NECAB1: variants seen among roughly 807,000 people sequenced by gnomAD.
NECAB1 encodes N-terminal EF-hand calcium binding protein 1.
Under a neutral mutation model 57.5 loss-of-function variants are expected in NECAB1, and 29 were observed. The ratio of observed to expected loss-of-function variants is 0.50; its 90% CI spans 0.38 to 0.69. The LOEUF is 0.69. NECAB1 is among the 30% of genes least tolerant of loss of function. The pLI is 0.00. For missense variants in NECAB1, 372 were observed against 413.8 expected (o/e 0.90, Z 0.88); for synonymous variants, 142 against 147.7 (o/e 0.96, Z 0.28).
rs1171272042 is a variant in NECAB1, at chr8:90,959,254, G to GTTC, written c.*3747_*3749dup. 1 of 265,192 alleles carries GTTC rather than the reference G, an allele frequency of 3.8e-6. No individual in the cohort carries two copies. Among genetic ancestry groups the GTTC allele is most frequent in the Admixed American group, 5.5e-5 (1 of 18,280 alleles). 16.4% of individuals were successfully genotyped at this position (265,192 alleles called of 1,614,324 possible). ...ATATATTAAATTGTATTCCAAACCT[G>GTTC]TTCTTCTGTTTCTGTGGCACCTAGG... On this transcript the variant is annotated 3_prime_UTR_variant, in exon 13 of 13. Coordinates refer to ENST00000417640, the MANE Select transcript of NECAB1 (RefSeq NM_022351.5).
chr8:90,825,751 A>G (rs1054666749), intron 3 of NECAB1, among the ~76,000 whole-genome samples: 6 of 151,928 alleles, frequency 3.9e-5, no homozygotes, highest in Admixed American at 2.6e-4. Context: ...AATATTTTTT[A>G]AACAACCAAT....
At chr8:90,941,107 T>G (rs1464190664) in intron 10 of NECAB1, among the ~76,000 whole-genome samples, 2 of 152,250 alleles carry the variant, frequency 1.3e-5, no homozygotes, top group Non-Finnish European at 2.9e-5. Context: ...TGTCGTCTAA[T>G]CTTTAAACCC....
At chr8:90,799,538 A>G (rs563487346) in intron 1 of NECAB1, among the ~76,000 whole-genome samples, 1 of 152,302 alleles carries the variant, frequency 6.6e-6, no homozygotes, top group South Asian at 2.1e-4. Context: ...CCTACTAGCT[A>G]TCCCAGCACC....
At chr8:90,863,542 G>A (rs1179567467) in intron 3 of NECAB1, among the ~76,000 whole-genome samples, 1 of 152,006 alleles carries the variant, frequency 6.6e-6, no homozygotes, top group Non-Finnish European at 1.5e-5. Context: ...ATGTGCATGA[G>A]TTTTCTGAAA....
intron 3 of NECAB1, among the ~76,000 whole-genome samples, chr8:90,839,586 C>G (rs1427610360): frequency 6.6e-6 from 1 of 152,040 alleles, no homozygotes; most frequent in African/African-American, 2.4e-5. Flanking sequence ...CTTAGAGAAG[C>G]CATACAGTTT....
At chr8:90,937,503 G>A (rs529787744) in intron 9 of NECAB1, among the ~76,000 whole-genome samples, 2 of 152,000 alleles carry the variant, frequency 1.3e-5, no homozygotes, top group East Asian at 1.9e-4. Flanking sequence ...TTACTACATC[G>A]AATGATTCTA....
chr8:90,798,156 T>A (rs1811693507), intron 1 of NECAB1, among the ~76,000 whole-genome samples: 1 of 152,198 alleles, frequency 6.6e-6, no homozygotes, highest in Non-Finnish European at 1.5e-5. Context: ...TTTGATCATG[T>A]GGTCTCTATC....
intron 5 of NECAB1, among the ~76,000 whole-genome samples, chr8:90,888,061 A>C (rs937781533): frequency 1.3e-5 from 2 of 152,080 alleles, no homozygotes; most frequent in African/African-American, 4.8e-5. Context: ...CTTCCTCCCC[A>C]TCCCAACCAG....
At chr8:90,867,913 C>T (rs748111787) in intron 3 of NECAB1, among the ~76,000 whole-genome samples, 2 of 152,104 alleles carry the variant, frequency 1.3e-5, no homozygotes, top group Non-Finnish European at 2.9e-5. Flanking sequence ...GCTCTATGTC[C>T]CCACTCAAAT....
intron 5 of NECAB1, among the ~76,000 whole-genome samples, chr8:90,890,705 A>G (rs1339714644): frequency 1.3e-5 from 2 of 152,178 alleles, no homozygotes; most frequent in Non-Finnish European, 2.9e-5. Flanking sequence ...TCAGCTTTCA[A>G]ACAAAGAGGG....
chr8:90,935,543 T>A (rs549666409), intron 9 of NECAB1, among the ~76,000 whole-genome samples: 27 of 152,270 alleles, frequency 1.8e-4, no homozygotes, highest in Non-Finnish European at 3.7e-4. Flanking sequence ...AGCGGATTTG[T>A]GCAGTCCCGG....
intron 7 of NECAB1, among the ~76,000 whole-genome samples, chr8:90,927,124 G>A (rs1310871067): frequency 6.7e-6 from 1 of 150,316 alleles, no homozygotes; most frequent in African/African-American, 2.5e-5. Flanking sequence ...TAGAAATATT[G>A]TATTAGAATT....
At chr8:90,892,324 T>A (rs1441510957) in intron 5 of NECAB1, among the ~76,000 whole-genome samples, 1 of 152,178 alleles carries the variant, frequency 6.6e-6, no homozygotes, top group Non-Finnish European at 1.5e-5. Context: ...TTCAGTCAAA[T>A]ATGAGCATTA....
At chr8:90,886,437 T>C (rs1361050565) in intron 5 of NECAB1, among the ~76,000 whole-genome samples, 1 of 152,174 alleles carries the variant, frequency 6.6e-6, no homozygotes, top group African/African-American at 2.4e-5. Flanking sequence ...TTTCTAGTAT[T>C]AAGTATTATT....
At chr8:90,922,467 A>G (rs1451856359) in intron 6 of NECAB1, among the ~76,000 whole-genome samples, 2 of 121,074 alleles carry the variant, frequency 1.7e-5, no homozygotes, top group African/African-American at 5.8e-5. Flanking sequence ...CCTGACCACC[A>G]AAGCTGCCAA....
intron 5 of NECAB1, among the ~76,000 whole-genome samples, chr8:90,913,466 G>A (rs185632772): frequency 1.3e-4 from 20 of 151,040 alleles, no homozygotes; most frequent in Admixed American, 3.3e-4. Flanking sequence ...ATTAAACTGC[G>A]TTTGAAAAAA....
intron 2 of NECAB1, among the ~76,000 whole-genome samples, chr8:90,822,670 A>T (rs983733180): frequency 6.6e-6 from 1 of 151,956 alleles, no homozygotes; most frequent in East Asian, 1.9e-4. Context: ...AAGCAGTATT[A>T]CAGGGGCCCA....
intron 12 of NECAB1, 123 bp downstream of exon 12, chr8:90,951,327 A>G: frequency 1.8e-6 from 1 of 564,170 alleles, no homozygotes; most frequent in Non-Finnish European, 3.0e-6. Context: ...TTATTTCTTT[A>G]TATATTTTAT....
intron 12 of NECAB1, among the ~76,000 whole-genome samples, chr8:90,952,223 A>AG (rs965945974): frequency 6.8e-6 from 1 of 147,604 alleles, no homozygotes; most frequent in African/African-American, 2.6e-5. Flanking sequence ...CCAGGGAAGA[A>AG]AAAAAAAAAA....
Sources: allele counts gnomAD v4.1 joint callset (sites outside exome capture counted in the v4.1 genomes callset), GRCh38; gene constraint gnomAD v4.1.1; transcripts MANE v1.5; gene names NCBI Gene and HGNC (gene_info 2026-07-23, HGNC 2026-07-21).